Variants in RBM33 observed in about 807,000 individuals in gnomAD.
The protein encoded by RBM33 is RNA binding motif protein 33.
RBM33 carries 28 observed loss-of-function variants against 132.6 expected under a neutral mutation model. The observed-to-expected ratio is 0.21, with a 90% CI of 0.16 to 0.29. RBM33 has a LOEUF of 0.29. RBM33 is among the 10% of genes least tolerant of loss of function. RBM33 has a pLI of 1.00. For missense variants in RBM33, 1,291 were observed against 1,518.5 expected (o/e 0.85, Z 2.49); for synonymous variants, 634 against 593.0 (o/e 1.07, Z -1.01).
At chr7:155,750,496 G>GTA (rs1454152865) in intron 14 of RBM33, among the ~76,000 whole-genome samples, 3 of 152,192 alleles carry the variant, frequency 2.0e-5, no homozygotes, top group East Asian at 1.9e-4. Flanking sequence ...AGGGAGAATG[G>GTA]TATAGTCTTT....
Position 155,775,080 on chromosome 7 carries a change from CTG to C in RBM33, c.*42_*43del. 1 of 1,578,594 alleles carries C rather than the reference CTG, an allele frequency of 6.3e-7. No individual in the cohort carries two copies. The highest frequency in any genetic ancestry group is 1.1e-5 in the South Asian group (1 of 90,434). On this transcript the variant is annotated 3_prime_UTR_variant, in exon 18 of 18. Coordinates refer to ENST00000401878, the MANE Select transcript of RBM33 (RefSeq NM_053043.3). ...AGCCTGACCTTAGGCTGTACACACA[CTG>C]TGGAATTTCTTCAAGGGAGCTGCCG...
At chr7:155,695,285 A>G (rs1799760399) in intron 5 of RBM33, among the ~76,000 whole-genome samples, 1 of 152,302 alleles carries the variant, frequency 6.6e-6, no homozygotes, top group South Asian at 2.1e-4. Context: ...TATGCTGTCT[A>G]TACATGTATT....
chr7:155,726,248 G>A (rs62482827), intron 9 of RBM33, among the ~76,000 whole-genome samples: 2 of 152,056 alleles, frequency 1.3e-5, no homozygotes, highest in South Asian at 4.1e-4. Flanking sequence ...TAAAATATAC[G>A]GACTGACCCT....
chr7:155,739,757 C>A lies in RBM33; in HGVS notation c.1780C>A (p.Pro594Thr). Reference sequence around the variant, plus strand: ...ATTGCCCCCTCCGCATCAGCCTCAGCCTCAGCAACCTCAGCAACAGCCCCC... The same window carrying A: ...ATTGCCCCCTCCGCATCAGCCTCAGACTCAGCAACCTCAGCAACAGCCCCC... ...PPLPPPHQPQ[P>T]QQPQQQPPPQ... The change falls in exon 12 of 18, where the codon CCT (proline) becomes ACT (threonine). Residue 594 changes from proline (P) to threonine (T), a missense_variant. Physicochemically the swap from Pro to Thr is conservative, Grantham distance 38. Coordinates refer to ENST00000401878, the MANE Select transcript of RBM33 (RefSeq NM_053043.3). The A allele has an allele frequency of 1.3e-6, 2 of 1,544,652 alleles. No homozygotes were observed. The highest frequency in any genetic ancestry group is 1.7e-6 in the Non-Finnish European group (2 of 1,143,292).
rs762485406 is a variant in RBM33 at position 155,745,019 on chromosome 7, G to A, written c.2396G>A (p.Arg799His). 7.5e-6 allele frequency: 12 copies of A among 1,609,104 alleles called. No homozygotes were observed. Among genetic ancestry groups the A allele is most frequent in the African/African-American group, 4.0e-5 (3 of 74,418 alleles). ...LYRLKIEEQK[R>H]LREEILKQKE... ...CGCTTAAAGATAGAAGAACAGAAAC[G>A]CCTAAGAGAAGAAATCCTGAAACAG... Residue 799 changes from arginine to histidine, a missense_variant, in exon 14 of 18, where the codon CGC becomes CAC. By Grantham distance (29) the Arg-to-His change is conservative. Transcript: ENST00000401878. This position sits in a 1 kb window ranked among gnomAD's most constrained non-coding sequence, Gnocchi z 4.1.
chr7:155,745,020 C>T lies in RBM33; in HGVS notation c.2397C>T (p.Arg799=), dbSNP rs763567150. The T allele has an allele frequency of 6.2e-7, 1 of 1,609,860 alleles. No individual in the cohort carries two copies. The highest frequency in any genetic ancestry group is 1.1e-5 in the South Asian group (1 of 90,262). Residue 799 remains arginine, a synonymous_variant, in exon 14 of 18, where the codon CGC becomes CGT. Coordinates refer to ENST00000401878, the MANE Select transcript of RBM33 (RefSeq NM_053043.3). This position sits in a 1 kb window ranked among gnomAD's most constrained non-coding sequence, Gnocchi z 4.1. ...LYRLKIEEQK[R]LREEILKQKE... is the part of the protein sequence containing the mutation. ...GCTTAAAGATAGAAGAACAGAAACG[C>T]CTAAGAGAAGAAATCCTGAAACAGA... is the stretch of plus-strand genomic sequence containing the variant.
intron 5 of RBM33, among the ~76,000 whole-genome samples, chr7:155,688,948 C>G (rs1428764849): frequency 1.3e-5 from 2 of 152,122 alleles, no homozygotes; most frequent in African/African-American, 4.8e-5. Context: ...TTTGTTGTGT[C>G]TCTGCCAGGC....
chr7:155,668,218 C>G (rs2116896651), intron 2 of RBM33, among the ~76,000 whole-genome samples: 1 of 152,200 alleles, frequency 6.6e-6, no homozygotes, highest in East Asian at 1.9e-4. Context: ...CTGTCACTTA[C>G]ACAGTGTGGA....
chr7:155,653,619 G>A (rs558587036), intron 1 of RBM33, among the ~76,000 whole-genome samples: 1 of 152,150 alleles, frequency 6.6e-6, no homozygotes, highest in African/African-American at 2.4e-5. Context: ...CCATTAGTCA[G>A]TGATTTAATC....
Position 155,777,181 on chromosome 7 carries a change from G to A in RBM33, c.*2140G>A, listed in dbSNP as rs907291053. ...AGTGTTAATAAAACGGATCCTGTTT[G>A]GGCCTTCATTGTTAAGGTGGACTTC... On this transcript the variant is annotated 3_prime_UTR_variant, in exon 18 of 18. Transcript: ENST00000401878. The A allele has an allele frequency of 6.6e-6, 1 of 152,448 alleles. No homozygotes were observed. The highest frequency in any genetic ancestry group is 2.4e-5 in the African/African-American group (1 of 41,382). The allele number at this position is 152,448 out of a possible 1,614,324, so 9.4% of individuals were successfully genotyped here.
At chr7:155,676,691 A>G (rs182569691) in intron 3 of RBM33, among the ~76,000 whole-genome samples, 324 of 152,076 alleles carry the variant, frequency 2.1e-3, no homozygotes, top group Non-Finnish European at 3.2e-4. Context: ...CCTGAGCAGA[A>G]CCCCCTGGAG....
chr7:155,688,952 G>A (rs1585440152), intron 5 of RBM33, among the ~76,000 whole-genome samples: 1 of 151,854 alleles, frequency 6.6e-6, no homozygotes, highest in South Asian at 2.1e-4. Context: ...TTGTGTCTCT[G>A]CCAGGCTTTG....
At chr7:155,684,698 C>T (rs1289791902) in intron 5 of RBM33, among the ~76,000 whole-genome samples, 2 of 152,200 alleles carry the variant, frequency 1.3e-5, no homozygotes, top group Non-Finnish European at 2.9e-5. Flanking sequence ...GAGTTTGAAG[C>T]AGAGCCCACG....
At chr7:155,690,467 A>G (rs968091581) in intron 5 of RBM33, among the ~76,000 whole-genome samples, 1 of 152,266 alleles carries the variant, frequency 6.6e-6, no homozygotes, top group African/African-American at 2.4e-5. Flanking sequence ...GCCCATTTAC[A>G]TTTAAGGTTA....
At chr7:155,695,318 G>T (rs1305324335) in intron 5 of RBM33, among the ~76,000 whole-genome samples, 1 of 152,036 alleles carries the variant, frequency 6.6e-6, no homozygotes, top group Non-Finnish European at 1.5e-5. Flanking sequence ...CATCTCTATG[G>T]AGAATATGTA....
At chr7:155,652,954 T>C (rs1284295450) in intron 1 of RBM33, among the ~76,000 whole-genome samples, 1 of 152,216 alleles carries the variant, frequency 6.6e-6, no homozygotes, top group African/African-American at 2.4e-5. Context: ...TTGTGTTAGC[T>C]TGCCCTGTAA....
rs182157635 is a variant in RBM33 at position 155,774,806 on chromosome 7, G to A, written c.3464+159G>A. Among the ~76,000 whole-genome samples, 304 of 152,316 alleles carry A rather than the reference G, an allele frequency of 2.0e-3. 1 individual carries two copies. The highest frequency in any genetic ancestry group is 2.8e-3 in the Non-Finnish European group (191 of 68,026). On this transcript the variant is annotated intron_variant, in intron 17 of 17. Coordinates refer to ENST00000401878, the MANE Select transcript of RBM33 (RefSeq NM_053043.3). The surrounding 1 kb of genome is among the most constrained non-coding windows in gnomAD (Gnocchi z 4.2). The stretch of plus-strand genomic sequence containing the variant: ...GCAGACGGTGATCCTGTCATGAGGC[G>A]CGCGTCCTTTTGTCTGGTGGAGAAT...
At chr7:155,761,288 C>T (rs1306886963) in intron 14 of RBM33, among the ~76,000 whole-genome samples, 1 of 152,058 alleles carries the variant, frequency 6.6e-6, no homozygotes, top group Non-Finnish European at 1.5e-5. Context: ...TCTTTTGATG[C>T]CTTTGGCCTT....
At chr7:155,715,787 C>G (rs1800443858) in intron 8 of RBM33, among the ~76,000 whole-genome samples, 1 of 152,160 alleles carries the variant, frequency 6.6e-6, no homozygotes, top group African/African-American at 2.4e-5. Context: ...ATGCACAGTT[C>G]CTCTTGAGAG....
Sources: gnomAD v4.1 joint callset for allele counts (sites outside exome capture counted in the v4.1 genomes callset) on GRCh38, gnomAD v4.1.1 for gene constraint, Gnocchi (gnomAD v3.1) non-coding constraint, MANE v1.5 for transcripts, NCBI Gene and HGNC (gene_info 2026-07-23, HGNC 2026-07-21) for gene names.